Variants in NFKBID observed in about 807,000 individuals in gnomAD.
NFKBID encodes the protein NFKB inhibitor delta, also known as NF-kappa-B inhibitor delta.
In NFKBID, 26 loss-of-function variants were observed where a neutral mutation model predicts 53.4. The observed-to-expected ratio is 0.49, with a 90% confidence interval of 0.36 to 0.68. The LOEUF is 0.68. NFKBID is among the 30% of genes least tolerant of loss of function. NFKBID has a pLI of 0.00. For missense variants in NFKBID, 493 were observed against 614.1 expected (o/e 0.80, Z 2.08); for synonymous variants, 262 against 259.8 (o/e 1.01, Z -0.08).
At chr19:35,902,221 T>C (rs1283542619), upstream of NFKBID, 5 of 703,068 alleles carry the variant, frequency 7.1e-6, no homozygotes, top group Middle Eastern at 2.3e-4. Context: ...GACACTCCCA[T>C]CTTCTCAGCG....
At chr19:35,900,342 A>T (rs1975491703) in intron 1 of NFKBID, 100 bp downstream of exon 1, 1 of 924,034 alleles carries the variant, frequency 1.1e-6, no homozygotes, top group African/African-American at 1.7e-5. Flanking sequence ...GGGATAAAGG[A>T]CTGACGCTTC....
chr19:35,897,782 G>T, exon 4 of NFKBID: 1 of 1,606,514 alleles, frequency 6.2e-7, no homozygotes, highest in African/African-American at 1.3e-5. Flanking sequence ...TGCGTGTTGG[G>T]GTCCCAGTCT....
Position 35,896,665 on chromosome 19 carries a change from G to A in NFKBID, c.684+61C>T. On this transcript the variant is annotated intron_variant, in intron 6 of 11. Transcript: ENST00000641389. The surrounding 1 kb of genome is among the most constrained non-coding windows in gnomAD (Gnocchi z 5.7). Reference sequence around the variant, plus strand: ...ATTCCCCTCTTCTCTAGGATCCAGGGGTCCAGGCCCCAGGCTCCTTCCTCC... The same window carrying A: ...ATTCCCCTCTTCTCTAGGATCCAGGAGTCCAGGCCCCAGGCTCCTTCCTCC... The A allele has an allele frequency of 6.4e-7, 1 of 1,556,112 alleles. No homozygotes were observed. Among genetic ancestry groups the A allele is most frequent in the Non-Finnish European group, 8.8e-7 (1 of 1,133,538 alleles).
At chr19:35,899,487 G>C (rs1975422663) in intron 1 of NFKBID, among the ~76,000 whole-genome samples, 1 of 150,052 alleles carries the variant, frequency 6.7e-6, no homozygotes, top group East Asian at 2.0e-4. Flanking sequence ...CCGGGAGGCG[G>C]AGGTTGAGGT....
chr19:35,895,921 T>C, intron 9 of NFKBID, 59 bp downstream of exon 9: 1 of 1,541,824 alleles, frequency 6.5e-7, no homozygotes, highest in South Asian at 1.2e-5. Context: ...CTCCCGGACA[T>C]CCAAGTGGCC....
At chr19:35,888,608 C>T (rs765950683) in exon 12 of NFKBID, 13 of 1,571,244 alleles carry the variant, frequency 8.3e-6, no homozygotes, top group Non-Finnish European at 1.1e-5. Context: ...CAACAGCTGC[C>T]GGAGCTGTAG....
chr19:35,901,064 C>T (rs992702980), upstream of NFKBID, among the ~76,000 whole-genome samples: 4 of 152,022 alleles, frequency 2.6e-5, no homozygotes, highest in African/African-American at 9.7e-5. Context: ...AACTCCTGGC[C>T]TCAGGTGACC....
chr19:35,893,463 T>G (rs997492467), intron 9 of NFKBID, among the ~76,000 whole-genome samples: 4 of 152,134 alleles, frequency 2.6e-5, no homozygotes, highest in African/African-American at 9.7e-5. Flanking sequence ...TAAACACCAT[T>G]ATTCTTTAAA....
At chr19:35,897,724 T>G in exon 4 of NFKBID, 1 of 1,613,122 alleles carries the variant, frequency 6.2e-7, no homozygotes, top group South Asian at 1.1e-5. Flanking sequence ...CAGGAAATTT[T>G]CGGCAGCAGA....
chr19:35,897,592 G>T, intron 4 of NFKBID, 59 bp downstream of exon 4: 1 of 835,850 alleles, frequency 1.2e-6, no homozygotes, highest in Non-Finnish European at 2.1e-6. Flanking sequence ...AATACTGCAG[G>T]AGTGCAACTG....
chr19:35,900,703 C>G, upstream of NFKBID: 2 of 1,170,842 alleles, frequency 1.7e-6, no homozygotes, highest in Non-Finnish European at 2.1e-6. Context: ...CTCAGTCCCC[C>G]CGGGAAGGAG....
At chr19:35,888,916 C>T (rs927369646) in intron 11 of NFKBID, among the ~76,000 whole-genome samples, 2 of 152,020 alleles carry the variant, frequency 1.3e-5, no homozygotes, top group Admixed American at 1.3e-4. Flanking sequence ...CATGGTGGCA[C>T]GTGTGCCTTT....
intron 3 of NFKBID, among the ~76,000 whole-genome samples, 168 bp from the exon 4 acceptor site, chr19:35,898,024 C>T (rs1975303388): frequency 6.6e-6 from 1 of 151,918 alleles, no homozygotes; most frequent in African/African-American, 2.4e-5. Flanking sequence ...AGGGCCTGGA[C>T]TCCTGGGGCA....
At chr19:35,899,905 C>A (rs1462117922) in intron 1 of NFKBID, among the ~76,000 whole-genome samples, 4 of 152,002 alleles carry the variant, frequency 2.6e-5, no homozygotes, top group African/African-American at 7.2e-5. Flanking sequence ...CGCGGCCGAT[C>A]GTGGCGCTCG....
At chr19:35,901,771 A>G (rs73590895), upstream of NFKBID, 9,275 of 185,210 alleles carry the variant, frequency 0.05, 363 homozygotes, top group African/African-American at 0.12. Flanking sequence ...GGGTTTCACC[A>G]TATTGGCTTG....
At chr19:35,889,574 G>C (rs1213706576) in intron 11 of NFKBID, among the ~76,000 whole-genome samples, 4 of 152,162 alleles carry the variant, frequency 2.6e-5, no homozygotes, top group Non-Finnish European at 1.5e-5. Context: ...CCCAAGGTTA[G>C]GGGCAGGGGG....
chr19:35,901,084 T>C (rs1182696957), upstream of NFKBID, among the ~76,000 whole-genome samples: 1 of 151,998 alleles, frequency 6.6e-6, no homozygotes, highest in African/African-American at 2.4e-5. Context: ...CCGCCTGCCT[T>C]GGCCTCCCAA....
intron 9 of NFKBID, among the ~76,000 whole-genome samples, chr19:35,892,560 T>A (rs7258214): frequency 0.11 from 16,868 of 147,688 alleles, 1,835 homozygotes; most frequent in African/African-American, 0.29. Flanking sequence ...AAAAAAAAAA[T>A]TATTTGTCCT....
chr19:35,900,782 G>C (rs1481543154), upstream of NFKBID: 4 of 421,692 alleles, frequency 9.5e-6, no homozygotes, highest in Admixed American at 1.3e-4. Context: ...GGGAGAAACC[G>C]GGGGGCCTGG....
Sources: allele counts gnomAD v4.1 joint callset (sites outside exome capture counted in the v4.1 genomes callset), GRCh38; gene constraint gnomAD v4.1.1; non-coding constraint Gnocchi (gnomAD v3.1); transcripts MANE v1.5; gene names NCBI Gene and HGNC (gene_info 2026-07-23, HGNC 2026-07-21).